Variants in WASHC2C observed in about 807,000 individuals in gnomAD.
WASHC2C encodes WASH complex subunit 2C, also known as Vaccinia Penetration Factor.
A neutral mutation model predicts 142.2 loss-of-function variants in WASHC2C; 73 were observed. The ratio of observed to expected loss-of-function variants is 0.51; its 90% CI spans 0.43 to 0.62. WASHC2C has a LOEUF of 0.62. Ranked by LOEUF, WASHC2C falls within the 20% of genes least tolerant of loss-of-function variation. The pLI is 0.00. For synonymous variants in WASHC2C, 337 were observed against 565.5 expected, an observed-to-expected ratio of 0.60 and a Z score of 5.73; for missense variants, 969 against 1,531.7, an observed-to-expected ratio of 0.63 and a Z score of 6.13.
rs531243877 is a variant in WASHC2C, at chr10:45,754,413, G to A, written c.1181-73G>A. The A allele has an allele frequency of 2.2e-4, 349 of 1,604,120 alleles. 1 individual carries two copies. The highest frequency in any genetic ancestry group is 1.0e-3 in the South Asian group (94 of 90,298). On this transcript the variant is annotated intron_variant, in intron 13 of 30. Transcript: ENST00000623400. The stretch of plus-strand genomic sequence containing the variant: ...GTACTAGCTGTGTGTTACATTGCAC[G>A]TATTTCAGGAAGAAAATAGCAAGGA...
chr10:45,758,442 A>G (rs1195520723), intron 16 of WASHC2C, among the ~76,000 whole-genome samples: 2 of 152,116 alleles, frequency 1.3e-5, no homozygotes, highest in Non-Finnish European at 2.9e-5. Context: ...TTAATCTGTT[A>G]GCGGGCACAA....
intron 3 of WASHC2C, among the ~76,000 whole-genome samples, chr10:45,736,512 A>C (rs1554864829): frequency 6.6e-6 from 1 of 151,222 alleles, no homozygotes; most frequent in East Asian, 1.9e-4. Context: ...AGGCAAGAGA[A>C]TCATTTGAGC....
intron 10 of WASHC2C, 117 bp downstream of exon 10, chr10:45,750,955 A>G (rs1365241012): frequency 2.1e-5 from 18 of 837,938 alleles, no homozygotes; most frequent in Non-Finnish European, 3.3e-5. Context: ...TTTATTAGTA[A>G]TTGCTACATA....
chr10:45,733,496 T>A (rs1554863200), intron 3 of WASHC2C, among the ~76,000 whole-genome samples: 1 of 152,182 alleles, frequency 6.6e-6, no homozygotes, highest in Non-Finnish European at 1.5e-5. Flanking sequence ...TGGGTATAGC[T>A]ATCTGACTGT....
At chr10:45,746,465 A>G in intron 7 of WASHC2C, 135 bp from the exon 8 acceptor site, 2 of 1,063,880 alleles carry the variant, frequency 1.9e-6, no homozygotes, top group East Asian at 2.4e-5. Context: ...AGTAGTCAGT[A>G]CAAAGAGACT....
chr10:45,769,405 A>G, intron 19 of WASHC2C, 44 bp from the exon 20 acceptor site: 1 of 1,558,508 alleles, frequency 6.4e-7, no homozygotes, highest in Non-Finnish European at 8.7e-7. Flanking sequence ...GGTATGAGCC[A>G]CTGCGCCTGG....
chr10:45,759,649 T>C (rs1316723330), intron 17 of WASHC2C, among the ~76,000 whole-genome samples: 2 of 152,062 alleles, frequency 1.3e-5, no homozygotes, highest in Non-Finnish European at 1.5e-5. Context: ...TGAAACCCTG[T>C]CTCTATTAAA....
At chr10:45,784,252 G>GTGTATATA (rs1554888863) in intron 23 of WASHC2C, among the ~76,000 whole-genome samples, 66 of 40,682 alleles carry the variant, frequency 1.6e-3, no homozygotes, top group African/African-American at 2.4e-3. Context: ...GTGTGTGTGT[G>GTGTATATA]TATATATATA....
intron 21 of WASHC2C, among the ~76,000 whole-genome samples, chr10:45,773,987 G>T (rs1199532939): frequency 6.9e-6 from 1 of 145,128 alleles, no homozygotes; most frequent in Non-Finnish European, 1.5e-5. Context: ...CTGGAAACCG[G>T]CCTGAAAGCA....
At chr10:45,754,383 G>C in intron 13 of WASHC2C, 103 bp from the exon 14 acceptor site, 1 of 1,585,234 alleles carries the variant, frequency 6.3e-7, no homozygotes, top group Non-Finnish European at 8.6e-7. Flanking sequence ...GTTTCAAAAG[G>C]TCTGGTACTA....
chr10:45,736,908 T>G (rs186297032), intron 3 of WASHC2C, among the ~76,000 whole-genome samples: 1,838 of 152,242 alleles, frequency 0.012, 43 homozygotes, highest in African/African-American at 0.041. Flanking sequence ...GGCCACTGTC[T>G]AATGCCAGAA....
In WASHC2C at chr10:45,758,337, CT is replaced by C. The variant is rs374980005; in HGVS notation, c.1549-977del. 3.6e-3 allele frequency among the ~76,000 whole-genome samples: 542 copies of C among 152,300 alleles called. 9 individuals carry two copies. In the East Asian group the frequency reaches 0.048, roughly 13 times the overall value. On this transcript the variant is annotated intron_variant, in intron 16 of 30. Transcript: ENST00000623400. Reference sequence around the variant, plus strand: ...TCTTTTGCCATTGCTCAGTTGATCTCTAAAGTGATAGTTGAACACAGTGTGA... The same window carrying C: ...TCTTTTGCCATTGCTCAGTTGATCTCAAAGTGATAGTTGAACACAGTGTGA...
intron 4 of WASHC2C, 122 bp downstream of exon 4, chr10:45,738,167 A>G (rs2051515497): frequency 6.3e-7 from 1 of 1,597,982 alleles, no homozygotes; most frequent in African/African-American, 1.3e-5. Context: ...ACTGCTCCTG[A>G]CAGCAGCCCA....
At chr10:45,767,343 C>CT (rs1461617220) in intron 19 of WASHC2C, among the ~76,000 whole-genome samples, 4 of 148,048 alleles carry the variant, frequency 2.7e-5, no homozygotes, top group Non-Finnish European at 6.0e-5. Context: ...CTACAAAAGT[C>CT]TGAGTCTGGC....
intron 23 of WASHC2C, among the ~76,000 whole-genome samples, chr10:45,784,291 CACAT>C (rs2057833511): frequency 9.1e-4 from 8 of 8,784 alleles, no homozygotes; most frequent in African/African-American, 2.6e-3. Context: ...TATATATATA[CACAT>C]ATATATATAT....
rs751376976 is a variant in WASHC2C at position 45,727,554 on chromosome 10, C to G, written c.126+15C>G. 1 of 1,567,320 alleles carries G rather than the reference C, an allele frequency of 6.4e-7. No homozygotes were observed. Among genetic ancestry groups the G allele is most frequent in the Admixed American group, 1.9e-5 (1 of 52,356 alleles). On this transcript the variant is annotated intron_variant, in intron 2 of 30. Coordinates refer to ENST00000623400, the MANE Select transcript of WASHC2C (RefSeq NM_001330074.2). ...CCGACGCGGGCGTGAGAGGCGGGCC[C>G]CGGGGACGCGAGAGCGGCAGGGGTG...
chr10:45,738,982 C>T (rs1554866083), intron 4 of WASHC2C, among the ~76,000 whole-genome samples: 1 of 152,202 alleles, frequency 6.6e-6, no homozygotes, highest in African/African-American at 2.4e-5. Context: ...GCTAGGATTA[C>T]AGGTGTGAGC....
chr10:45,745,692 C>G (rs1207633743), intron 7 of WASHC2C, among the ~76,000 whole-genome samples: 1 of 151,864 alleles, frequency 6.6e-6, no homozygotes, highest in African/African-American at 2.4e-5. Flanking sequence ...TGTGGCACTT[C>G]TATGTGGCAC....
At chr10:45,775,975 C>T (rs2057042641) in intron 21 of WASHC2C, among the ~76,000 whole-genome samples, 1 of 152,116 alleles carries the variant, frequency 6.6e-6, no homozygotes, top group African/African-American at 2.4e-5. Context: ...CCACCGTGCC[C>T]GGCCTGCACT....
Sources: allele counts gnomAD v4.1 joint callset (sites outside exome capture counted in the v4.1 genomes callset), GRCh38; gene constraint gnomAD v4.1.1; transcripts MANE v1.5; gene names NCBI Gene and HGNC (gene_info 2026-07-23, HGNC 2026-07-21).